HOXB6: variants seen among roughly 807,000 people sequenced by gnomAD.
HOXB6 encodes the protein homeobox protein Hox-B6.
A neutral mutation model predicts 24.2 loss-of-function variants in HOXB6; 18 were observed. The observed-to-expected ratio is 0.74, with a 90% confidence interval of 0.51 to 1.10. HOXB6 has a LOEUF of 1.10. Ranked by LOEUF, HOXB6 falls within the 50% of genes least tolerant of loss-of-function variation. HOXB6 has a pLI of 0.00. For synonymous variants in HOXB6, 159 were observed against 139.1 expected, an observed-to-expected ratio of 1.14 and a Z score of -1.01; for missense variants, 332 against 308.3, an observed-to-expected ratio of 1.08 and a Z score of -0.58.
Position 48,598,007 on chromosome 17 carries a change from G to A in HOXB6, c.144C>T (p.Gly48=). The A allele has an allele frequency of 1.3e-6, 2 of 1,595,440 alleles. No homozygotes were observed. The highest frequency in any genetic ancestry group is 1.7e-6 in the Non-Finnish European group (2 of 1,171,346). Reference sequence around the variant, plus strand: ...AGGAAGTGGCAAAGCCCTTGTCCTGGCCCGGCCCTGGCCCGTAGGGCGCGG... The same window carrying A: ...AGGAAGTGGCAAAGCCCTTGTCCTGACCCGGCCCTGGCCCGTAGGGCGCGG... ...HYPAPYGPGP[G]QDKGFATSSY... is the part of the protein sequence containing the mutation. Residue 48 remains glycine, a synonymous_variant, in exon 3 of 4, where the codon GGC becomes GGT. Coordinates refer to ENST00000225648, the MANE Select transcript of HOXB6 (RefSeq NM_018952.5).
Position 48,596,905 on chromosome 17 carries a change from C to T in HOXB6, c.416-233G>A, listed in dbSNP as rs1401347454. On this transcript the variant is annotated intron_variant, in intron 3 of 3. Transcript: ENST00000225648. The surrounding 1 kb of genome is among the most constrained non-coding windows in gnomAD (Gnocchi z 4.8). ...GGGAGGGGAGGAGCAGTTTGAACTC[C>T]CACCTGAGCCTGGGGGGAGGGGCTG... is the stretch of plus-strand genomic sequence containing the variant. The T allele has an allele frequency of 2.2e-6, 3 of 1,368,504 alleles. No individual in the cohort carries two copies. The highest frequency in any genetic ancestry group is 2.9e-5 in the African/African-American group (2 of 68,462). 84.8% of individuals were successfully genotyped at this position (1,368,504 alleles called of 1,614,324 possible). A position where few individuals can be genotyped will look rare whatever the true frequency, so the allele number is the denominator to read the frequency against.
intron 3 of HOXB6, chr17:48,597,083 T>A: frequency 9.1e-7 from 1 of 1,098,050 alleles, no homozygotes; most frequent in Non-Finnish European, 1.1e-6. Flanking sequence ...TAACGGCTCC[T>A]CACTTTCGAG....
In HOXB6 at chr17:48,596,969, C is replaced by G; in HGVS notation, c.416-297G>C. On this transcript the variant is annotated intron_variant, in intron 3 of 3. Coordinates refer to ENST00000225648, the MANE Select transcript of HOXB6 (RefSeq NM_018952.5). This position sits in a 1 kb window ranked among gnomAD's most constrained non-coding sequence, Gnocchi z 4.8. ...CTTCCTAGTTGCATCTTGTCTTTCCCTCCCTTTCCATCCATCTTGTTCCCA... is the reference window on the plus strand; with the variant it reads ...CTTCCTAGTTGCATCTTGTCTTTCCGTCCCTTTCCATCCATCTTGTTCCCA... 1 of 1,313,342 alleles carries G rather than the reference C, an allele frequency of 7.6e-7. No homozygotes were observed. The highest frequency in any genetic ancestry group is 9.8e-7 in the Non-Finnish European group (1 of 1,020,920). 81.4% of individuals were successfully genotyped at this position (1,313,342 alleles called of 1,614,324 possible). A position where few individuals can be genotyped will look rare whatever the true frequency, so the allele number is the denominator to read the frequency against.
intron 2 of HOXB6, chr17:48,600,663 C>T (rs1459099201): frequency 5.0e-6 from 2 of 396,134 alleles, no homozygotes; most frequent in South Asian, 3.7e-5. Context: ...GTCTGTGGTT[C>T]GGTCCACCGC....
At position 48,602,397 on chromosome 17, in the gene HOXB6, G is replaced by A. The variant is rs920328542; in HGVS notation, c.-79+2083C>T. 30 of 366,206 alleles carry A rather than the reference G, an allele frequency of 8.2e-5. 1 individual carries two copies. Among genetic ancestry groups the A allele is most frequent in the South Asian group, 6.1e-4 (30 of 48,788 alleles). 22.7% of individuals were successfully genotyped at this position (366,206 alleles called of 1,614,324 possible). Reference sequence around the variant, plus strand: ...GCCTTGGTGGGGTGGGGGTGGGGATGGCGGTGGGGGTGTCGGCTCTGATCC... The same window carrying A: ...GCCTTGGTGGGGTGGGGGTGGGGATAGCGGTGGGGGTGTCGGCTCTGATCC... On this transcript the variant is annotated intron_variant, in intron 2 of 3. Coordinates refer to ENST00000225648, the MANE Select transcript of HOXB6 (RefSeq NM_018952.5).
chr17:48,600,557 C>A, intron 2 of HOXB6: 1 of 455,174 alleles, frequency 2.2e-6, no homozygotes, highest in South Asian at 1.6e-5. Flanking sequence ...TATTTATGAG[C>A]GTTTATTCGT....
In HOXB6 at chr17:48,595,917, GCTC is replaced by G; in HGVS notation, c.*493_*495del. 3.0e-6 allele frequency: 1 copy of G among 334,470 alleles called. No individual in the cohort carries two copies. Among genetic ancestry groups the G allele is most frequent in the Non-Finnish European group, 5.9e-6 (1 of 168,860 alleles). 20.7% of individuals were successfully genotyped at this position (334,470 alleles called of 1,614,324 possible). A position where few individuals can be genotyped will look rare whatever the true frequency, so the allele number is the denominator to read the frequency against. The stretch of plus-strand genomic sequence containing the variant: ...AAATAGAACTTTGTTTTCTTCTGAG[GCTC>G]CTCTTCTTACTTCTAGGTAGTATGT... On this transcript the variant is annotated 3_prime_UTR_variant, in exon 4 of 4. Transcript: ENST00000225648.
At chr17:48,600,993 T>TGTGTGTGC (rs1555645447) in intron 2 of HOXB6, among the ~76,000 whole-genome samples, 2 of 131,862 alleles carry the variant, frequency 1.5e-5, no homozygotes, top group African/African-American at 8.0e-5. Context: ...GATATTTGCG[T>TGTGTGTGC]GTGTGTGTGT....
chr17:48,596,146 A>G lies in HOXB6; in HGVS notation c.*267T>C, dbSNP rs1469075355. On this transcript the variant is annotated 3_prime_UTR_variant, in exon 4 of 4. Transcript: ENST00000225648. This position sits in a 1 kb window ranked among gnomAD's most constrained non-coding sequence, Gnocchi z 4.8. Reference sequence around the variant, plus strand: ...CAAGTGAGTCCGCTCCTCAGTTCTCACCAGGAAGCCTGATCAGGCTGAGGC... The same window carrying G: ...CAAGTGAGTCCGCTCCTCAGTTCTCGCCAGGAAGCCTGATCAGGCTGAGGC... The G allele has an allele frequency of 5.6e-5, 37 of 664,654 alleles. No homozygotes were observed. Among genetic ancestry groups the G allele is most frequent in the Non-Finnish European group, 9.4e-5 (34 of 360,986 alleles). 41.2% of individuals were successfully genotyped at this position (664,654 alleles called of 1,614,324 possible).
At chr17:48,599,201 C>T (rs2070396907) in intron 2 of HOXB6, among the ~76,000 whole-genome samples, 1 of 152,202 alleles carries the variant, frequency 6.6e-6, no homozygotes, top group East Asian at 1.9e-4. Flanking sequence ...CTGCAACCCT[C>T]ACTCCAGTAC....
At position 48,596,544 on chromosome 17, in the gene HOXB6, C is replaced by T. The variant is rs1179276529; in HGVS notation, c.544G>A (p.Ala182Thr). 9.9e-6 allele frequency: 16 copies of T among 1,614,248 alleles called. No individual in the cohort carries two copies. The highest frequency in any genetic ancestry group is 1.3e-5 in the Non-Finnish European group (15 of 1,180,046). Reference protein sequence around the residue: ...TRRRRIEIAHALCLTERQIKI... With the variant: ...TRRRRIEIAHTLCLTERQIKI... ...ATCTGCCTCTCCGTCAGGCACAGGG[C>T]GTGCGCGATCTCGATGCGCCGCCGC... The change falls in exon 4 of 4, where the codon GCC becomes ACC. Residue 182 changes from alanine to threonine, a missense_variant. Coordinates refer to ENST00000225648, the MANE Select transcript of HOXB6 (RefSeq NM_018952.5). This position sits in a 1 kb window ranked among gnomAD's most constrained non-coding sequence, Gnocchi z 4.8.
Position 48,596,287 on chromosome 17 carries a change from C to T in HOXB6, c.*126G>A, listed in dbSNP as rs1487268396. On this transcript the variant is annotated 3_prime_UTR_variant, in exon 4 of 4. Transcript: ENST00000225648. This position sits in a 1 kb window ranked among gnomAD's most constrained non-coding sequence, Gnocchi z 4.8. ...GCGTCCAGGAGAGCGCTGGGCCCCG[C>T]CTGTCTGCGCCGGAGAGCAGGTCTC... The T allele has an allele frequency of 3.4e-6, 5 of 1,457,862 alleles. No individual in the cohort carries two copies. The Admixed American group carries it at 5.0e-5, about 15-fold the overall frequency. 90.3% of individuals were successfully genotyped at this position (1,457,862 alleles called of 1,614,324 possible).
chr17:48,598,118 G>T lies in HOXB6; in HGVS notation c.33C>A (p.Pro11=), dbSNP rs538824742. 32 of 1,594,952 alleles carry T rather than the reference G, an allele frequency of 2.0e-5. No homozygotes were observed. Among genetic ancestry groups the T allele is most frequent in the Non-Finnish European group, 2.7e-5 (31 of 1,166,976 alleles). The change falls in exon 3 of 4, where the codon CCC becomes CCA. Residue 11 remains proline (P), a synonymous_variant. Coordinates refer to ENST00000225648, the MANE Select transcript of HOXB6 (RefSeq NM_018952.5). The part of the protein sequence containing the change: MSSYFVNSTF[P]VTLASGQESF... ...ACTCCTGCCCGCTGGCCAGAGTGAC[G>T]GGGAAGGTGGAGTTCACGAAATAGG...
chr17:48,597,535 A>C (rs2144956750), intron 3 of HOXB6, among the ~76,000 whole-genome samples: 1 of 152,122 alleles, frequency 6.6e-6, no homozygotes, highest in South Asian at 2.1e-4. Context: ...TGCGGCTGGG[A>C]CTTTGCAAAC....
Position 48,596,696 on chromosome 17 carries a change from G to A in HOXB6, c.416-24C>T, listed in dbSNP as rs949721887. 6.2e-7 allele frequency: 1 copy of A among 1,608,666 alleles called. No individual in the cohort carries two copies. On this transcript the variant is annotated intron_variant, in intron 3 of 3. Transcript: ENST00000225648. This position sits in a 1 kb window ranked among gnomAD's most constrained non-coding sequence, Gnocchi z 4.8. ...ACCTGTTACGCAGAGTGGAGATGCT[G>A]AGGCCTGCGGTCACCGGGCCCAGGA... is the stretch of plus-strand genomic sequence containing the variant.
chr17:48,598,343 G>A (rs1232034657), intron 2 of HOXB6, 115 bp from the exon 3 acceptor site: 1 of 579,368 alleles, frequency 1.7e-6, no homozygotes, highest in Non-Finnish European at 2.9e-6. Context: ...GCAGAGGCAG[G>A]AATTGTCAAA....
chr17:48,604,705 T>C (rs980599214), intron 1 of HOXB6, 90 bp from the exon 2 acceptor site: 8 of 152,304 alleles, frequency 5.3e-5, no homozygotes, highest in African/African-American at 1.9e-4. Flanking sequence ...GCTGCAGTCC[T>C]GGGCAGATTG....
rs776670965 is a variant in HOXB6, at chr17:48,596,711, C to T, written c.416-39G>A. 1.1e-5 allele frequency: 18 copies of T among 1,605,446 alleles called. No homozygotes were observed. The highest frequency in any genetic ancestry group is 4.5e-5 in the East Asian group (2 of 44,888). On this transcript the variant is annotated intron_variant, in intron 3 of 3. Transcript: ENST00000225648. The surrounding 1 kb of genome is among the most constrained non-coding windows in gnomAD (Gnocchi z 4.8). ...TGGAGATGCTGAGGCCTGCGGTCAC[C>T]GGGCCCAGGACCCCCTCCCCTAGTC...
intron 2 of HOXB6, chr17:48,603,871 T>A (rs2070524292): frequency 6.6e-6 from 1 of 152,614 alleles, no homozygotes; most frequent in African/African-American, 2.4e-5. Context: ...CAAAAATGTC[T>A]CCGAAGGGAG....
Sources: allele counts gnomAD v4.1 joint callset (sites outside exome capture counted in the v4.1 genomes callset), GRCh38; gene constraint gnomAD v4.1.1; non-coding constraint Gnocchi (gnomAD v3.1); transcripts MANE v1.5; gene names NCBI Gene and HGNC (gene_info 2026-07-23, HGNC 2026-07-21).